Variants in RBFOX3 observed in about 807,000 individuals in gnomAD.
RBFOX3 encodes RNA binding fox-1 homolog 3, also known as RNA binding protein fox-1 homolog 3.
A neutral mutation model predicts 48.7 loss-of-function variants in RBFOX3; 17 were observed. The ratio of observed to expected loss-of-function variants is 0.35; its 90% CI spans 0.24 to 0.52. RBFOX3 has a LOEUF of 0.52. RBFOX3 is among the 20% of genes least tolerant of loss of function. The pLI is 0.94. For missense variants in RBFOX3, 382 were observed against 497.5 expected, an observed-to-expected ratio of 0.77 and a Z score of 2.21; for synonymous variants, 212 against 209.5, an observed-to-expected ratio of 1.01 and a Z score of -0.10.
chr17:79,188,912 C>T (rs527755864), intron 4 of RBFOX3, among the ~76,000 whole-genome samples: 1 of 152,374 alleles, frequency 6.6e-6, no homozygotes, highest in East Asian at 1.9e-4. Context: ...GGCAAGGAGA[C>T]AGCCTAGGCT....
At chr17:79,109,144 C>A (rs530351312) in intron 5 of RBFOX3, among the ~76,000 whole-genome samples, 1 of 152,316 alleles carries the variant, frequency 6.6e-6, no homozygotes, top group East Asian at 1.9e-4. Flanking sequence ...CCTGCATCTC[C>A]CTCAGGACCC....
At chr17:79,636,173 T>C in the RBFOX3 span, among the ~76,000 whole-genome samples, 1 of 152,082 alleles carries the variant, frequency 6.6e-6, no homozygotes, top group Non-Finnish European at 1.5e-5. Flanking sequence ...CAAAGTGAGA[T>C]AGAGCTATAT....
At chr17:79,322,030 C>G (rs562428044) in intron 2 of RBFOX3, among the ~76,000 whole-genome samples, 29 of 152,182 alleles carry the variant, frequency 1.9e-4, no homozygotes, top group African/African-American at 6.5e-4. Context: ...AATGCAGGAG[C>G]AGAAACTGAT....
At chr17:79,611,169 T>TCTCTCTCTCTCTCGCTCTCG, upstream of RBFOX3, among the ~76,000 whole-genome samples, 153 of 25,926 alleles carry the variant, frequency 5.9e-3, 30 homozygotes, top group Non-Finnish European at 9.5e-3. Context: ...TCTCTCTCTC[T>TCTCTCTCTCTCTCGCTCTCG]CTCTCCGCCC....
At chr17:79,622,665 C>T in the RBFOX3 span, among the ~76,000 whole-genome samples, 2 of 152,186 alleles carry the variant, frequency 1.3e-5, no homozygotes, top group East Asian at 1.9e-4. Flanking sequence ...CTGCATTCTA[C>T]ATTCCCTCTT....
At chr17:79,277,084 G>A (rs1392938533) in intron 3 of RBFOX3, among the ~76,000 whole-genome samples, 2 of 152,234 alleles carry the variant, frequency 1.3e-5, no homozygotes, top group African/African-American at 4.8e-5. Flanking sequence ...GTCGGTGGGT[G>A]ACACTGGGCA....
At chr17:79,460,912 A>C (rs1313604513) in intron 2 of RBFOX3, among the ~76,000 whole-genome samples, 1 of 152,224 alleles carries the variant, frequency 6.6e-6, no homozygotes, top group Non-Finnish European at 1.5e-5. Context: ...ATTCTATTAC[A>C]GCAACACAGA....
intron 2 of RBFOX3, among the ~76,000 whole-genome samples, chr17:79,467,489 A>T (rs1166500963): frequency 6.6e-6 from 1 of 152,176 alleles, no homozygotes; most frequent in Non-Finnish European, 1.5e-5. Context: ...TGAGGACATG[A>T]GGCCACCTGA....
the RBFOX3 span, among the ~76,000 whole-genome samples, chr17:79,663,420 A>C: frequency 6.6e-6 from 1 of 152,150 alleles, no homozygotes; most frequent in Non-Finnish European, 1.5e-5. Flanking sequence ...CTGTCTCCAC[A>C]ATGAAGTCAT....
chr17:79,577,784 G>A (rs1048630343), intron 1 of RBFOX3, among the ~76,000 whole-genome samples: 5 of 152,238 alleles, frequency 3.3e-5, no homozygotes, highest in Non-Finnish European at 7.3e-5. Flanking sequence ...GAGAGGTGGA[G>A]GGGCCAGGGA....
intron 1 of RBFOX3, among the ~76,000 whole-genome samples, chr17:79,608,448 G>A (rs2093887106): frequency 6.6e-6 from 1 of 152,200 alleles, no homozygotes; most frequent in Non-Finnish European, 1.5e-5. Context: ...GTGGATCAAA[G>A]CAATCACCCA....
chr17:79,433,659 T>A (rs2068869020), intron 2 of RBFOX3, among the ~76,000 whole-genome samples: 1 of 152,158 alleles, frequency 6.6e-6, no homozygotes, highest in Non-Finnish European at 1.5e-5. Flanking sequence ...GGCTCACAGC[T>A]TGAAGCAGCT....
chr17:79,292,600 GCA>G (rs1037519635), intron 3 of RBFOX3, among the ~76,000 whole-genome samples: 26 of 79,008 alleles, frequency 3.3e-4, no homozygotes, highest in Admixed American at 1.4e-3. Flanking sequence ...ACACACACAC[GCA>G]CACACACACA....
chr17:79,565,888 C>T (rs1268104023), intron 1 of RBFOX3, among the ~76,000 whole-genome samples: 1 of 152,206 alleles, frequency 6.6e-6, no homozygotes, highest in Non-Finnish European at 1.5e-5. Flanking sequence ...CTAAGTCATA[C>T]ATGCAACCAG....
intron 4 of RBFOX3, among the ~76,000 whole-genome samples, chr17:79,139,808 C>G (rs1405434829): frequency 6.6e-6 from 1 of 152,254 alleles, no homozygotes; most frequent in Non-Finnish European, 1.5e-5. Context: ...CATCTCTGCA[C>G]TGACGATGCC....
rs2055334603 is a variant in RBFOX3 at position 79,195,168 on chromosome 17, G to T, written c.-34+40598C>A. ...CCCGGCACTTTGGGAGGCTGAGGCA[G>T]GTGGATCACCTGAGGTCAGGAGTTC... On this transcript the variant is annotated intron_variant, in intron 4 of 14. Transcript: ENST00000693108. This position sits in a 1 kb window ranked among gnomAD's most constrained non-coding sequence, Gnocchi z 5.3. Among the ~76,000 whole-genome samples the T allele has an allele frequency of 6.6e-6, 1 of 152,188 alleles. No homozygotes were observed. Among genetic ancestry groups the T allele is most frequent in the African/African-American group, 2.4e-5 (1 of 41,454 alleles).
intron 2 of RBFOX3, among the ~76,000 whole-genome samples, chr17:79,445,287 G>A (rs1255785580): frequency 6.6e-6 from 1 of 152,118 alleles, no homozygotes; most frequent in Non-Finnish European, 1.5e-5. Context: ...CTTGTAAGGG[G>A]GTCCCACTGC....
chr17:79,325,867 A>G (rs1365826820), intron 2 of RBFOX3, among the ~76,000 whole-genome samples: 1 of 152,192 alleles, frequency 6.6e-6, no homozygotes, highest in Non-Finnish European at 1.5e-5. Context: ...GCTTGCAGAA[A>G]AAGGAGCCTC....
intron 1 of RBFOX3, chr17:79,598,932 G>A (rs1312320941): frequency 6.6e-6 from 1 of 152,140 alleles, no homozygotes; most frequent in African/African-American, 2.4e-5. Flanking sequence ...TCCCAGGCAG[G>A]TCTGTCCTCA....
Sources: allele counts gnomAD v4.1 joint callset (sites outside exome capture counted in the v4.1 genomes callset), GRCh38; gene constraint gnomAD v4.1.1; non-coding constraint Gnocchi (gnomAD v3.1); transcripts MANE v1.5; gene names NCBI Gene and HGNC (gene_info 2026-07-23, HGNC 2026-07-21).